Variants in ANXA4 observed in about 807,000 individuals in gnomAD.
ANXA4 encodes the protein annexin A4.
In ANXA4, 39 loss-of-function variants were observed where a neutral mutation model predicts 49.8. That is an observed-to-expected ratio of 0.78 (90% CI 0.61 to 1.02). The LOEUF is 1.02. Among genes scored for constraint, ANXA4 ranks in the 50% least tolerant of loss-of-function variants. The pLI, the probability that ANXA4 is intolerant of heterozygous loss-of-function variation, is 0.00. For missense variants in ANXA4, 360 were observed against 410.1 expected (o/e 0.88, Z 1.05); for synonymous variants, 134 against 152.5 (o/e 0.88, Z 0.89).
chr2:69,679,816 A>G (rs1172797158), intron 2 of ANXA4, among the ~76,000 whole-genome samples: 1 of 152,164 alleles, frequency 6.6e-6, no homozygotes, highest in Non-Finnish European at 1.5e-5. Flanking sequence ...AGTTGGCTGG[A>G]AATAAGTGGA....
At chr2:69,765,150 C>G (rs1296504165) in intron 1 of ANXA4, among the ~76,000 whole-genome samples, 1 of 152,158 alleles carries the variant, frequency 6.6e-6, no homozygotes, top group Admixed American at 6.5e-5. Flanking sequence ...TTTGCTTCCA[C>G]TTTTGGCTAT....
upstream of ANXA4, among the ~76,000 whole-genome samples, chr2:69,740,254 A>G (rs975665043): frequency 2.6e-5 from 4 of 151,844 alleles, no homozygotes; most frequent in African/African-American, 9.7e-5. Flanking sequence ...GTAGCCCAGG[A>G]TAATCTCCCA....
chr2:69,768,139 G>T (rs1440760570), intron 1 of ANXA4, among the ~76,000 whole-genome samples: 1 of 152,134 alleles, frequency 6.6e-6, no homozygotes, highest in Non-Finnish European at 1.5e-5. Flanking sequence ...TGAGTGACCT[G>T]GGGTACTATG....
chr2:69,767,598 G>A (rs547486815), intron 1 of ANXA4, among the ~76,000 whole-genome samples: 3 of 152,312 alleles, frequency 2.0e-5, no homozygotes, highest in African/African-American at 7.2e-5. Flanking sequence ...CAGAAAGGCC[G>A]TATGGCTGAA....
chr2:69,696,930 C>T (rs1678178573), intron 2 of ANXA4, among the ~76,000 whole-genome samples: 1 of 152,180 alleles, frequency 6.6e-6, no homozygotes, highest in Middle Eastern at 3.2e-3. Context: ...TCCATTTATA[C>T]AGCACTGGCA....
intron 2 of ANXA4, among the ~76,000 whole-genome samples, chr2:69,707,106 A>T (rs1456182612): frequency 6.6e-6 from 1 of 152,114 alleles, no homozygotes; most frequent in Non-Finnish European, 1.5e-5. Flanking sequence ...CCTATATTTT[A>T]TATTTCTTTT....
intron 3 of ANXA4, among the ~76,000 whole-genome samples, chr2:69,798,005 C>T (rs1673013325): frequency 6.6e-6 from 1 of 152,194 alleles, no homozygotes; most frequent in African/African-American, 2.4e-5. Flanking sequence ...TGACCTGTGG[C>T]ATGCTGTCCC....
intron 2 of ANXA4, among the ~76,000 whole-genome samples, 179 bp from the exon 3 acceptor site, chr2:69,787,875 T>G (rs573575942): frequency 3.3e-5 from 5 of 152,236 alleles, no homozygotes; most frequent in Admixed American, 6.5e-5. Context: ...CTGCCTCCCA[T>G]GAGCTAGAGC....
At chr2:69,650,576 C>A (rs1676195595) in intron 1 of ANXA4, among the ~76,000 whole-genome samples, 1 of 152,112 alleles carries the variant, frequency 6.6e-6, no homozygotes, top group South Asian at 2.1e-4. Context: ...CCACCCACCT[C>A]AGCTTCCTGT....
intron 2 of ANXA4, among the ~76,000 whole-genome samples, chr2:69,685,221 G>A (rs1168225295): frequency 1.3e-5 from 2 of 152,208 alleles, no homozygotes; most frequent in African/African-American, 2.4e-5. Flanking sequence ...GAATGATTAA[G>A]ATCCAGATGA....
chr2:69,735,864 G>A (rs571351476), intron 3 of ANXA4, among the ~76,000 whole-genome samples: 11 of 152,282 alleles, frequency 7.2e-5, no homozygotes, highest in African/African-American at 1.7e-4. Flanking sequence ...ATGAGACAGC[G>A]ATCATACTGG....
At chr2:69,747,595 T>C (rs1293318927) in intron 1 of ANXA4, among the ~76,000 whole-genome samples, 1 of 152,188 alleles carries the variant, frequency 6.6e-6, no homozygotes, top group Non-Finnish European at 1.5e-5. Context: ...TTCGTACAAT[T>C]TCAAGGAGTT....
chr2:69,666,567 G>T (rs558110026), intron 2 of ANXA4, among the ~76,000 whole-genome samples: 1 of 152,140 alleles, frequency 6.6e-6, no homozygotes, highest in Non-Finnish European at 1.5e-5. Context: ...CATAGTAGCC[G>T]AAAAGTGGAA....
intron 1 of ANXA4, among the ~76,000 whole-genome samples, chr2:69,772,326 G>A (rs1671755641): frequency 6.6e-6 from 1 of 152,248 alleles, no homozygotes; most frequent in Non-Finnish European, 1.5e-5. Context: ...GCTTCAGAGA[G>A]AAAGAACAAA....
chr2:69,643,878 C>G, upstream of ANXA4: 1 of 1,175,110 alleles, frequency 8.5e-7, no homozygotes, highest in South Asian at 4.3e-5. Flanking sequence ...TCTGTCGCCA[C>G]GGATGGGAAG....
chr2:69,686,502 G>C (rs1677792569), intron 2 of ANXA4, among the ~76,000 whole-genome samples: 1 of 152,306 alleles, frequency 6.6e-6, no homozygotes, highest in Non-Finnish European at 1.5e-5. Context: ...ACCCAGGCTG[G>C]AGTACGGTGG....
At chr2:69,770,023 C>T (rs1671647700) in intron 1 of ANXA4, among the ~76,000 whole-genome samples, 1 of 152,176 alleles carries the variant, frequency 6.6e-6, no homozygotes, top group Non-Finnish European at 1.5e-5. Flanking sequence ...CTCAACAGTG[C>T]TGTGAATAAC....
chr2:69,699,379 G>A (rs1482960028), intron 2 of ANXA4, among the ~76,000 whole-genome samples: 1 of 152,186 alleles, frequency 6.6e-6, no homozygotes, highest in Non-Finnish European at 1.5e-5. Flanking sequence ...GGTGGCTCAT[G>A]TCTGTAATCC....
intron 3 of ANXA4, among the ~76,000 whole-genome samples, chr2:69,725,249 T>C (rs1188399925): frequency 6.6e-6 from 1 of 151,876 alleles, no homozygotes; most frequent in African/African-American, 2.4e-5. Context: ...TATATTAACA[T>C]CTATCATTTT....
Sources: gnomAD v4.1 joint callset for allele counts (sites outside exome capture counted in the v4.1 genomes callset) on GRCh38, gnomAD v4.1.1 for gene constraint, MANE v1.5 for transcripts, NCBI Gene and HGNC (gene_info 2026-07-23, HGNC 2026-07-21) for gene names.